GLB1: variants seen among roughly 807,000 people sequenced by gnomAD.
GLB1 encodes the protein beta-galactosidase.
Under a neutral mutation model 74.0 loss-of-function variants are expected in GLB1, and 56 were observed. The observed-to-expected ratio is 0.76, with a 90% confidence interval of 0.61 to 0.94. GLB1 has a LOEUF of 0.94. Ranked by LOEUF, GLB1 falls within the 40% of genes least tolerant of loss-of-function variation. The pLI, the probability that GLB1 is intolerant of heterozygous loss-of-function variation, is 0.00. For missense variants in GLB1, 787 were observed against 845.5 expected (o/e 0.93, Z 0.86); for synonymous variants, 323 against 323.6 (o/e 1.00, Z 0.02).
At chr3:33,008,906 C>G (rs542956630) in intron 15 of GLB1, among the ~76,000 whole-genome samples, 2 of 150,990 alleles carry the variant, frequency 1.3e-5, no homozygotes, top group Non-Finnish European at 3.0e-5. Flanking sequence ...GATCACCTGA[C>G]GTCGGGAGTT....
chr3:32,993,522 AT>A (rs746774682), downstream of GLB1, among the ~76,000 whole-genome samples: 6,892 of 61,784 alleles, frequency 0.11, 42 homozygotes, highest in East Asian at 0.22. Flanking sequence ...CATCCAGCTA[AT>A]TTTTTTTTTT....
At chr3:33,014,560 CAG>C (rs1223195072) in intron 14 of GLB1, among the ~76,000 whole-genome samples, 1 of 152,170 alleles carries the variant, frequency 6.6e-6, no homozygotes, top group Non-Finnish European at 1.5e-5. Flanking sequence ...ATAAAAGGCC[CAG>C]AGTTTCTGCT....
At chr3:33,021,458 T>G (rs1697478966) in intron 12 of GLB1, 108 bp downstream of exon 12, 1 of 1,203,354 alleles carries the variant, frequency 8.3e-7, no homozygotes, top group Non-Finnish European at 1.2e-6. Flanking sequence ...ATCTGATGCA[T>G]TTGCTTACCA....
intron 15 of GLB1, among the ~76,000 whole-genome samples, chr3:33,006,490 G>A (rs746915340): frequency 5.3e-5 from 8 of 152,094 alleles, no homozygotes; most frequent in Non-Finnish European, 1.0e-4. Context: ...TACCAACAAG[G>A]TTGGGGACCA....
chr3:33,093,851 G>A lies in GLB1; in HGVS notation c.75+3160C>T. On this transcript the variant is annotated intron_variant, in intron 1 of 15. Transcript: ENST00000307363. The surrounding 1 kb of genome is among the most constrained non-coding windows in gnomAD (Gnocchi z 6.0). ...CACCCAGGCAGGAGTAGGCCGCCAA[G>A]GAAAAGAGATAGGGCTCTTCGGCCA... is the stretch of plus-strand genomic sequence containing the variant. 6.2e-7 allele frequency: 1 copy of A among 1,613,740 alleles called. No individual in the cohort carries two copies. Among genetic ancestry groups the A allele is most frequent in the Non-Finnish European group, 8.5e-7 (1 of 1,179,814 alleles).
At chr3:33,054,813 C>G (rs1287854100) in intron 6 of GLB1, among the ~76,000 whole-genome samples, 1 of 152,172 alleles carries the variant, frequency 6.6e-6, no homozygotes, top group Non-Finnish European at 1.5e-5. Flanking sequence ...AATTTCTCCA[C>G]AGAGAAGGAA....
Position 33,024,223 on chromosome 3 carries a change from C to G in GLB1, c.1143+28G>C, listed in dbSNP as rs149712618. 20,369 of 1,592,142 alleles carry G rather than the reference C, an allele frequency of 0.013. 155 individuals carry two copies. The highest frequency in any genetic ancestry group is 0.016 in the Non-Finnish European group (18,209 of 1,169,856). On this transcript the variant is annotated intron_variant, in intron 11 of 15. Coordinates refer to ENST00000307363, the MANE Select transcript of GLB1 (RefSeq NM_000404.4). ...CTTTCTCACTCCCATCTCTCACTTT[C>G]AAAGTTTCTGTTATTTTTTTTTCTT...
intron 15 of GLB1, among the ~76,000 whole-genome samples, chr3:33,010,259 C>T (rs560696540): frequency 6.6e-5 from 10 of 152,282 alleles, no homozygotes; most frequent in African/African-American, 2.4e-4. Flanking sequence ...TGCCTATTGT[C>T]CTTCTTACTA....
In GLB1 at chr3:32,997,118, G is replaced by A. The variant is rs771296891; in HGVS notation, c.1961C>T (p.Ser654Phe). 2.5e-6 allele frequency: 4 copies of A among 1,614,134 alleles called. No individual in the cohort carries two copies. The highest frequency in any genetic ancestry group is 3.4e-6 in the Non-Finnish European group (4 of 1,180,026). Residue 654 changes from serine (S) to phenylalanine (F), a missense_variant, in exon 16 of 16, where the codon TCC (serine) becomes TTC (phenylalanine). Coordinates refer to ENST00000307363, the MANE Select transcript of GLB1 (RefSeq NM_000404.4). ...CATGAGTCTTTTTTCAACAGGTTTGGAGGGATGATCGTAGGTCACAGATGA... is the reference window on the plus strand; with the variant it reads ...CATGAGTCTTTTTTCAACAGGTTTGAAGGGATGATCGTAGGTCACAGATGA... ...IGSSVTYDHP[S>F]KPVEKRLMPP... is the part of the protein sequence containing the mutation.
At position 33,058,144 on chromosome 3, in the gene GLB1, T is replaced by C. The variant is rs543022319; in HGVS notation, c.678A>G (p.Thr226=). 25 of 1,614,092 alleles carry C rather than the reference T, an allele frequency of 1.5e-5. No homozygotes were observed. Among genetic ancestry groups the C allele is most frequent in the African/African-American group, 4.0e-5 (3 of 75,040 alleles). The part of the protein sequence containing the change: ...VLFTTDGAHK[T]FLKCGALQGL... ...CCTGCAGGGCCCCACATTTCAGGAA[T>C]GTTTTATGTGCTCCATCAGTGGTAA... The change falls in exon 6 of 16, where the codon ACA becomes ACG. Residue 226 remains threonine (T), a synonymous_variant. Coordinates refer to ENST00000307363, the MANE Select transcript of GLB1 (RefSeq NM_000404.4).
chr3:32,961,176 C>G, the GLB1 span, among the ~76,000 whole-genome samples: 1 of 152,180 alleles, frequency 6.6e-6, no homozygotes, highest in East Asian at 1.9e-4. Context: ...GCATTTTCAC[C>G]TTTTCTGAGA....
At chr3:33,013,321 C>T (rs1278488753) in intron 15 of GLB1, among the ~76,000 whole-genome samples, 1 of 152,190 alleles carries the variant, frequency 6.6e-6, no homozygotes, top group Non-Finnish European at 1.5e-5. Context: ...TCCATCACAG[C>T]TATGGTTTTA....
At chr3:32,981,411 A>AAAAAAAG in the GLB1 span, among the ~76,000 whole-genome samples, 7 of 148,814 alleles carry the variant, frequency 4.7e-5, no homozygotes, top group Admixed American at 1.3e-4. Context: ...AAAAAAAAAA[A>AAAAAAAG]AAAAAGAAAA....
chr3:33,043,803 T>TACCTCAGAAAAATACCAAGCAAAAGA (rs1559397184), intron 10 of GLB1, among the ~76,000 whole-genome samples: 3 of 24,888 alleles, frequency 1.2e-4, no homozygotes, highest in African/African-American at 3.5e-4. Context: ...CAAGCAAAAG[T>TACCTCAGAAAAATACCAAGCAAAAGA]ATGCAGGTAA....
At chr3:33,092,839 G>C (rs1056984298) in intron 1 of GLB1, 24 of 1,598,930 alleles carry the variant, frequency 1.5e-5, no homozygotes, top group Middle Eastern at 1.7e-4. Context: ...CCAGTTCAGG[G>C]AGACCGCTGC....
At chr3:33,050,787 A>T (rs1698943758) in intron 9 of GLB1, among the ~76,000 whole-genome samples, 1 of 152,250 alleles carries the variant, frequency 6.6e-6, no homozygotes, top group Non-Finnish European at 1.5e-5. Flanking sequence ...TTTGTGAATT[A>T]TACCTCAACA....
chr3:33,040,907 AAATAT>A (rs1459805388), intron 10 of GLB1, among the ~76,000 whole-genome samples: 1 of 152,230 alleles, frequency 6.6e-6, no homozygotes, highest in Non-Finnish European at 1.5e-5. Flanking sequence ...ATAGAATGAA[AAATAT>A]AATTTAATAA....
rs758238512 is a variant in GLB1, at chr3:33,097,000, C to G, written c.75+11G>C. On this transcript the variant is annotated intron_variant, in intron 1 of 15. Coordinates refer to ENST00000307363, the MANE Select transcript of GLB1 (RefSeq NM_000404.4). ...GCAATGCCTCCCCGTACCCGGGTCC[C>G]GCAGACTTACGCGCAAGCCGCGCGT... 6.2e-7 allele frequency: 1 copy of G among 1,610,980 alleles called. No individual in the cohort carries two copies.
rs555403629 is a variant in GLB1 at position 32,998,293 on chromosome 3, A to G, written c.1735-949T>C. Among the ~76,000 whole-genome samples the G allele has an allele frequency of 3.9e-3, 587 of 152,358 alleles. 4 individuals carry two copies. Among genetic ancestry groups the G allele is most frequent in the African/African-American group, 0.013 (553 of 41,584 alleles). On this transcript the variant is annotated intron_variant, in intron 15 of 15. Coordinates refer to ENST00000307363, the MANE Select transcript of GLB1 (RefSeq NM_000404.4). ...GAGGCCAAGGCAGGCAGATCACCTG[A>G]GGTCAGGAGTTCGAGACCAGCCTGG...
Sources: gnomAD v4.1 joint callset for allele counts (sites outside exome capture counted in the v4.1 genomes callset) on GRCh38, gnomAD v4.1.1 for gene constraint, Gnocchi (gnomAD v3.1) non-coding constraint, MANE v1.5 for transcripts, NCBI Gene and HGNC (gene_info 2026-07-23, HGNC 2026-07-21) for gene names.